SNTG1: variants seen among roughly 807,000 people sequenced by gnomAD.
SNTG1 encodes the protein gamma-1-syntrophin.
A neutral mutation model predicts 74.7 loss-of-function variants in SNTG1; 39 were observed. The ratio of observed to expected loss-of-function variants is 0.52; its 90% CI spans 0.40 to 0.68. SNTG1 has a LOEUF of 0.68. SNTG1 is among the 30% of genes least tolerant of loss of function. The probability of loss-of-function intolerance (pLI) is 0.00; values close to 1 mark genes in which losing one functional copy is unlikely to be tolerated. For missense variants in SNTG1, 685 were observed against 609.5 expected, an observed-to-expected ratio of 1.12 and a Z score of -1.30; for synonymous variants, 254 against 217.1, an observed-to-expected ratio of 1.17 and a Z score of -1.49.
chr8:50,617,761 A>G (rs760229470), intron 13 of SNTG1, among the ~76,000 whole-genome samples: 6 of 152,186 alleles, frequency 3.9e-5, no homozygotes, highest in Non-Finnish European at 7.3e-5. Flanking sequence ...TGCACCAGTA[A>G]TTAGATCGGA....
chr8:50,793,425 C>A lies in SNTG1; in HGVS notation c.*596C>A, dbSNP rs926750572. On this transcript the variant is annotated 3_prime_UTR_variant, in exon 19 of 19. Transcript: ENST00000642720. Reference sequence around the variant, plus strand: ...TGTTTTTATCTTATTGTAAATATTCCGAAGAACTTCCAAAGGATAATTACA... The same window carrying A: ...TGTTTTTATCTTATTGTAAATATTCAGAAGAACTTCCAAAGGATAATTACA... 2.0e-5 allele frequency: 3 copies of A among 151,796 alleles called. No homozygotes were observed. The highest frequency in any genetic ancestry group is 7.2e-5 in the African/African-American group (3 of 41,392). The allele number at this position is 151,796 out of a possible 1,614,324, so 9.4% of individuals were successfully genotyped here.
chr8:50,531,466 A>T (rs983326688), intron 10 of SNTG1, among the ~76,000 whole-genome samples: 2 of 152,066 alleles, frequency 1.3e-5, no homozygotes, highest in South Asian at 4.1e-4. Flanking sequence ...ATACAACCAA[A>T]TTTTTTACCT....
chr8:50,282,723 G>T (rs918335160), intron 2 of SNTG1, among the ~76,000 whole-genome samples: 1 of 152,022 alleles, frequency 6.6e-6, no homozygotes, highest in African/African-American at 2.4e-5. Flanking sequence ...CTGAGATCGT[G>T]CCACTGCACT....
At chr8:50,333,393 A>G (rs193024464) in intron 2 of SNTG1, among the ~76,000 whole-genome samples, 1 of 152,350 alleles carries the variant, frequency 6.6e-6, no homozygotes, top group East Asian at 1.9e-4. Flanking sequence ...TGTGTTTTAT[A>G]TGTTCCCTAA....
intron 2 of SNTG1, among the ~76,000 whole-genome samples, chr8:50,310,966 G>A (rs1198912839): frequency 6.6e-6 from 1 of 152,060 alleles, no homozygotes; most frequent in Non-Finnish European, 1.5e-5. Context: ...GACAAATGAG[G>A]ACAAAAGTCC....
At chr8:50,556,245 C>T (rs1266253135) in intron 12 of SNTG1, among the ~76,000 whole-genome samples, 1 of 152,038 alleles carries the variant, frequency 6.6e-6, no homozygotes, top group Non-Finnish European at 1.5e-5. Context: ...TTGTCTTAAG[C>T]TGTATTGGCA....
chr8:50,201,484 C>G (rs1340480956), intron 2 of SNTG1, among the ~76,000 whole-genome samples: 2 of 152,162 alleles, frequency 1.3e-5, no homozygotes, highest in African/African-American at 2.4e-5. Context: ...TCATTATTAA[C>G]TAAAGTCCAT....
intron 2 of SNTG1, among the ~76,000 whole-genome samples, chr8:50,294,879 A>T (rs2089291428): frequency 6.6e-6 from 1 of 152,192 alleles, no homozygotes; most frequent in African/African-American, 2.4e-5. Flanking sequence ...TGTGCAGGTG[A>T]GTGGTTCAGA....
intron 9 of SNTG1, among the ~76,000 whole-genome samples, chr8:50,528,080 T>C (rs2094236838): frequency 6.6e-6 from 1 of 152,164 alleles, no homozygotes; most frequent in South Asian, 2.1e-4. Flanking sequence ...GATTGTGTTA[T>C]CTGCAAATAA....
chr8:50,134,000 G>A (rs1452773295), intron 1 of SNTG1, among the ~76,000 whole-genome samples: 2 of 152,192 alleles, frequency 1.3e-5, no homozygotes, highest in African/African-American at 2.4e-5. Flanking sequence ...CCCTTAGGAG[G>A]CTGTGCTTAA....
chr8:50,350,977 A>G (rs1188872393), intron 2 of SNTG1, among the ~76,000 whole-genome samples: 1 of 152,196 alleles, frequency 6.6e-6, no homozygotes, highest in East Asian at 1.9e-4. Flanking sequence ...CGCTCTTTGC[A>G]ATAAATCTTG....
chr8:50,267,927 GT>G (rs1226721223), intron 2 of SNTG1, among the ~76,000 whole-genome samples: 1 of 152,072 alleles, frequency 6.6e-6, no homozygotes. Flanking sequence ...ATTCAATACA[GT>G]ACTAGAAGGT....
At chr8:50,784,301 GCTTTA>G (rs1389285275) in intron 18 of SNTG1, among the ~76,000 whole-genome samples, 15 of 152,052 alleles carry the variant, frequency 9.9e-5, no homozygotes, top group African/African-American at 3.6e-4. Context: ...AATTATCCAA[GCTTTA>G]TAGCTAAACA....
intron 5 of SNTG1, among the ~76,000 whole-genome samples, chr8:50,440,839 G>T (rs528151844): frequency 1.3e-5 from 2 of 152,304 alleles, no homozygotes; most frequent in African/African-American, 4.8e-5. Context: ...ACAGGTGCTT[G>T]TGAATTCCGC....
At chr8:50,082,853 A>T (rs1166745456) in intron 1 of SNTG1, among the ~76,000 whole-genome samples, 2 of 152,084 alleles carry the variant, frequency 1.3e-5, no homozygotes, top group East Asian at 3.9e-4. Flanking sequence ...TCTTCCTTTG[A>T]CTATCTGACT....
intron 1 of SNTG1, among the ~76,000 whole-genome samples, chr8:50,073,423 C>T (rs1467226762): frequency 6.6e-6 from 1 of 152,192 alleles, no homozygotes; most frequent in Non-Finnish European, 1.5e-5. Flanking sequence ...ATCACATTTA[C>T]ACTTACTTCC....
At chr8:50,253,469 G>T (rs966909656) in intron 2 of SNTG1, among the ~76,000 whole-genome samples, 1 of 151,894 alleles carries the variant, frequency 6.6e-6, no homozygotes, top group Non-Finnish European at 1.5e-5. Context: ...GCTACCATAT[G>T]AGCCATTGGG....
chr8:50,107,673 C>T (rs781368926), intron 1 of SNTG1, among the ~76,000 whole-genome samples: 5 of 151,928 alleles, frequency 3.3e-5, no homozygotes, highest in African/African-American at 4.8e-5. Context: ...GCCTTAGCCT[C>T]CTAAGTAGCT....
intron 1 of SNTG1, among the ~76,000 whole-genome samples, chr8:50,091,927 A>C (rs1212829337): frequency 6.6e-6 from 1 of 152,154 alleles, no homozygotes; most frequent in African/African-American, 2.4e-5. Flanking sequence ...ACTTCTGCTG[A>C]GTGAGATAGC....
Sources: allele counts gnomAD v4.1 joint callset (sites outside exome capture counted in the v4.1 genomes callset), GRCh38; gene constraint gnomAD v4.1.1; transcripts MANE v1.5; gene names NCBI Gene and HGNC (gene_info 2026-07-23, HGNC 2026-07-21).